The following TANGO6 variants were observed in gnomAD, a reference collection of about 807,000 sequenced individuals.
TANGO6 encodes transport and Golgi organization protein 6 homolog.
Under a neutral mutation model 114.2 loss-of-function variants are expected in TANGO6, and 90 were observed. The observed-to-expected ratio is 0.79, with a 90% CI of 0.66 to 0.94. TANGO6 has a LOEUF of 0.94. Among genes scored for constraint, TANGO6 ranks in the 40% least tolerant of loss-of-function variants. The pLI, the probability that TANGO6 is intolerant of heterozygous loss-of-function variation, is 0.00. For synonymous variants in TANGO6, 477 were observed against 509.8 expected, an observed-to-expected ratio of 0.94 and a Z score of 0.87; for missense variants, 1,274 against 1,315.3, an observed-to-expected ratio of 0.97 and a Z score of 0.49.
At chr16:68,979,133 C>G (rs1185987450) in intron 15 of TANGO6, among the ~76,000 whole-genome samples, 1 of 151,944 alleles carries the variant, frequency 6.6e-6, no homozygotes, top group Non-Finnish European at 1.5e-5. Flanking sequence ...GTTCCCCAGG[C>G]TGATCCCGAC....
At chr16:68,866,629 CAAAA>C (rs58469159) in intron 3 of TANGO6, among the ~76,000 whole-genome samples, 2 of 104,790 alleles carry the variant, frequency 1.9e-5, no homozygotes, top group African/African-American at 3.8e-5. Context: ...GACTCCGTCT[CAAAA>C]AAAAAAAAAA....
chr16:68,863,675 CTTT>C (rs1412211128), intron 3 of TANGO6, among the ~76,000 whole-genome samples: 1 of 152,132 alleles, frequency 6.6e-6, no homozygotes, highest in African/African-American at 2.4e-5. Context: ...TAGATCTTCT[CTTT>C]TTTTAACTAA....
rs145567363 is a variant in TANGO6, at chr16:68,972,479, C to T, written c.2702-1549C>T. On this transcript the variant is annotated intron_variant, in intron 14 of 17. Coordinates refer to ENST00000261778, the MANE Select transcript of TANGO6 (RefSeq NM_024562.2). ...GAAAAATAAGTATAGATTTCTCAAG[C>T]ATTTATATTACTTCTTCCCCATCCT... Among the ~76,000 whole-genome samples, 633 of 152,260 alleles carry T rather than the reference C, an allele frequency of 4.2e-3. 3 individuals carry two copies. Among genetic ancestry groups the T allele is most frequent in the Non-Finnish European group, 7.6e-3 (516 of 68,022 alleles).
At chr16:68,887,966 G>A (rs1373939076) in intron 7 of TANGO6, among the ~76,000 whole-genome samples, 1 of 152,146 alleles carries the variant, frequency 6.6e-6, no homozygotes, top group African/African-American at 2.4e-5. Context: ...TATAGGGGAA[G>A]GGCTTTTTAC....
At chr16:69,014,663 G>A (rs1239375256) in intron 15 of TANGO6, among the ~76,000 whole-genome samples, 3 of 152,078 alleles carry the variant, frequency 2.0e-5, no homozygotes, top group African/African-American at 4.8e-5. Context: ...GGGAGTCTAA[G>A]GCAGGAGGAT....
In TANGO6 at chr16:68,843,821, C is replaced by T. The variant is rs1567521357; in HGVS notation, c.94+110C>T. The T allele has an allele frequency of 3.0e-6, 3 of 1,011,558 alleles. No individual in the cohort carries two copies. The South Asian group carries it at 4.3e-5, about 15-fold the overall frequency. The allele number at this position is 1,011,558 out of a possible 1,614,324, so 62.7% of individuals were successfully genotyped here. On this transcript the variant is annotated intron_variant, in intron 1 of 17. Coordinates refer to ENST00000261778, the MANE Select transcript of TANGO6 (RefSeq NM_024562.2). ...TGCGCCCCTTAGGCCCGCCTCGGGA[C>T]CCTCCGCCCGCTGCTGGGGGCTTTG...
At chr16:68,906,502 A>G (rs1386404018) in intron 9 of TANGO6, among the ~76,000 whole-genome samples, 2 of 151,748 alleles carry the variant, frequency 1.3e-5, no homozygotes, top group African/African-American at 4.8e-5. Context: ...GACCCAGAAT[A>G]TCTGCATATG....
intron 5 of TANGO6, among the ~76,000 whole-genome samples, chr16:68,877,099 CT>C (rs1254882825): frequency 1.3e-5 from 2 of 152,106 alleles, no homozygotes; most frequent in African/African-American, 4.8e-5. Context: ...GATCGATATG[CT>C]TTATGTACCT....
At chr16:68,906,344 G>A (rs1962849582) in intron 9 of TANGO6, among the ~76,000 whole-genome samples, 1 of 152,038 alleles carries the variant, frequency 6.6e-6, no homozygotes, top group African/African-American at 2.4e-5. Flanking sequence ...GAGACTGCAT[G>A]TCCTCCCATG....
chr16:68,880,671 T>C, intron 7 of TANGO6, 41 bp downstream of exon 7: 1 of 1,442,224 alleles, frequency 6.9e-7, no homozygotes, highest in Non-Finnish European at 9.3e-7. Context: ...TTACTTCTTA[T>C]TTAAAATTTT....
intron 7 of TANGO6, among the ~76,000 whole-genome samples, chr16:68,893,890 AG>A (rs1488177528): frequency 6.6e-6 from 1 of 152,056 alleles, no homozygotes; most frequent in Admixed American, 6.6e-5. Context: ...CCAACTAGAA[AG>A]AGACTAAACA....
At chr16:69,059,826 G>A (rs1203837093) in intron 17 of TANGO6, among the ~76,000 whole-genome samples, 1 of 152,190 alleles carries the variant, frequency 6.6e-6, no homozygotes, top group Non-Finnish European at 1.5e-5. Context: ...TTCCTGAGAT[G>A]CAAATCTGCT....
chr16:69,026,094 C>G (rs1215914318), intron 16 of TANGO6: 2 of 152,204 alleles, frequency 1.3e-5, no homozygotes, highest in African/African-American at 4.8e-5. Flanking sequence ...CTCCGCCTCC[C>G]GGGTTCAAGT....
intron 14 of TANGO6, among the ~76,000 whole-genome samples, chr16:68,962,486 A>G (rs1236430440): frequency 6.6e-6 from 1 of 152,188 alleles, no homozygotes; most frequent in Non-Finnish European, 1.5e-5. Context: ...TTTTAAATGA[A>G]CTTATTTTTA....
intron 6 of TANGO6, among the ~76,000 whole-genome samples, chr16:68,879,025 A>G (rs1254196018): frequency 6.6e-6 from 1 of 152,158 alleles, no homozygotes; most frequent in African/African-American, 2.4e-5. Context: ...GCAGTGAGCC[A>G]TAATCACACC....
At chr16:68,911,669 G>A (rs1014957819) in intron 11 of TANGO6, among the ~76,000 whole-genome samples, 5 of 151,936 alleles carry the variant, frequency 3.3e-5, no homozygotes, top group Non-Finnish European at 7.4e-5. Flanking sequence ...CACCTGTCTC[G>A]GCCCAAAGTG....
chr16:68,857,582 A>G (rs1385392547), intron 1 of TANGO6, among the ~76,000 whole-genome samples: 1 of 152,134 alleles, frequency 6.6e-6, no homozygotes, highest in African/African-American at 2.4e-5. Context: ...TTAACTTTGT[A>G]AGAAACTGCC....
intron 16 of TANGO6, among the ~76,000 whole-genome samples, chr16:69,030,694 A>T (rs539975465): frequency 6.6e-6 from 1 of 152,166 alleles, no homozygotes; most frequent in South Asian, 2.1e-4. Context: ...TTTGCCTACC[A>T]TGGGTGCTGA....
chr16:69,003,952 A>G (rs2152221986), intron 15 of TANGO6, among the ~76,000 whole-genome samples: 1 of 150,756 alleles, frequency 6.6e-6, no homozygotes, highest in South Asian at 2.1e-4. Flanking sequence ...TCTTGTTTCT[A>G]TTTTCTTCCT....
Sources: allele counts gnomAD v4.1 joint callset (sites outside exome capture counted in the v4.1 genomes callset), GRCh38; gene constraint gnomAD v4.1.1; transcripts MANE v1.5; gene names NCBI Gene and HGNC (gene_info 2026-07-23, HGNC 2026-07-21).